Variants in TMEM229B observed in about 807,000 individuals in gnomAD.
TMEM229B encodes the protein chromosome 14 open reading frame 83.
In TMEM229B, 6 loss-of-function variants were observed where a neutral mutation model predicts 13.7. The observed-to-expected ratio is 0.44, with a 90% confidence interval of 0.24 to 0.86. The LOEUF (loss-of-function observed/expected upper bound fraction) is 0.86, where lower values mean the gene tolerates loss of function less well. Among genes scored for constraint, TMEM229B ranks in the 40% least tolerant of loss-of-function variants. The pLI, the probability that TMEM229B is intolerant of heterozygous loss-of-function variation, is 0.23. For synonymous variants in TMEM229B, 107 were observed against 102.1 expected, an observed-to-expected ratio of 1.05 and a Z score of -0.29; for missense variants, 170 against 236.0, an observed-to-expected ratio of 0.72 and a Z score of 1.83.
chr14:67,479,963 G>A (rs2031483480), intron 2 of TMEM229B, among the ~76,000 whole-genome samples: 1 of 152,142 alleles, frequency 6.6e-6, no homozygotes, highest in Admixed American at 6.5e-5. Context: ...TTGGAATCCT[G>A]GCTGATGCTT....
At chr14:67,523,867 T>C (rs1434338842) in intron 1 of TMEM229B, among the ~76,000 whole-genome samples, 1 of 151,796 alleles carries the variant, frequency 6.6e-6, no homozygotes, top group Non-Finnish European at 1.5e-5. Context: ...CCATGGGCAG[T>C]AATGTCAGGT....
chr14:67,522,457 T>A (rs1313459815), intron 1 of TMEM229B, among the ~76,000 whole-genome samples: 1 of 152,220 alleles, frequency 6.6e-6, no homozygotes, highest in Non-Finnish European at 1.5e-5. Flanking sequence ...AGCCTGGTTA[T>A]GAGAAGGCTT....
intron 1 of TMEM229B, among the ~76,000 whole-genome samples, chr14:67,532,911 C>G (rs1352371410): frequency 6.6e-6 from 1 of 152,114 alleles, no homozygotes; most frequent in Non-Finnish European, 1.5e-5. Flanking sequence ...TGGGGTCAAG[C>G]AGATCCCCGG....
chr14:67,516,815 G>C (rs924828469), upstream of TMEM229B, among the ~76,000 whole-genome samples: 5 of 152,206 alleles, frequency 3.3e-5, no homozygotes, highest in African/African-American at 1.2e-4. Context: ...AAAGCAGTGG[G>C]TTCTGATTGG....
chr14:67,512,175 C>T (rs906976099), intron 1 of TMEM229B, among the ~76,000 whole-genome samples: 1 of 152,206 alleles, frequency 6.6e-6, no homozygotes, highest in Non-Finnish European at 1.5e-5. Context: ...CACATGCATT[C>T]TCACACACCA....
At chr14:67,532,086 T>C (rs1386862721) in intron 1 of TMEM229B, among the ~76,000 whole-genome samples, 1 of 152,168 alleles carries the variant, frequency 6.6e-6, no homozygotes, top group East Asian at 1.9e-4. Flanking sequence ...TAAAGCTGTT[T>C]GCAAGTTCAG....
chr14:67,519,024 T>C (rs1465789008), upstream of TMEM229B, among the ~76,000 whole-genome samples: 1 of 152,130 alleles, frequency 6.6e-6, no homozygotes, highest in Non-Finnish European at 1.5e-5. Context: ...TGGATCAGCT[T>C]TACAGGAAAA....
Position 67,473,952 on chromosome 14 carries a change from C to A in TMEM229B, c.-18-11G>T, listed in dbSNP as rs770226143. 34 of 1,574,122 alleles carry A rather than the reference C, an allele frequency of 2.2e-5. No individual in the cohort carries two copies. In the South Asian group the frequency reaches 4.0e-4, roughly 18 times the overall value. On this transcript the variant is annotated splice_polypyrimidine_tract_variant and intron_variant, in intron 2 of 2. Transcript: ENST00000554480. The surrounding 1 kb of genome is among the most constrained non-coding windows in gnomAD (Gnocchi z 6.5). ...GCCGACTGGGGCTGGCTGCGGGGGG[C>A]GCAAGAGAGACAGGTGAGGGCCGGG...
chr14:67,523,489 C>G (rs1161963041), intron 1 of TMEM229B, among the ~76,000 whole-genome samples: 4 of 152,232 alleles, frequency 2.6e-5, no homozygotes, highest in Non-Finnish European at 5.9e-5. Context: ...AAGAATGAAA[C>G]CTAGGCATTT....
intron 1 of TMEM229B, among the ~76,000 whole-genome samples, chr14:67,527,612 T>C (rs959535068): frequency 6.6e-6 from 1 of 152,236 alleles, no homozygotes; most frequent in East Asian, 1.9e-4. Flanking sequence ...TTGGTGAAGT[T>C]GCTTCTATTC....
At chr14:67,494,471 C>T (rs1772554094) in intron 1 of TMEM229B, among the ~76,000 whole-genome samples, 1 of 152,196 alleles carries the variant, frequency 6.6e-6, no homozygotes, top group Admixed American at 6.5e-5. Context: ...AGAGAAGCAG[C>T]TGTGGGGGCT....
chr14:67,490,488 C>T (rs904386249), upstream of TMEM229B, among the ~76,000 whole-genome samples: 18 of 152,228 alleles, frequency 1.2e-4, no homozygotes, highest in African/African-American at 3.6e-4. Context: ...ATAACAACTC[C>T]TGTTCTGTTA....
upstream of TMEM229B, among the ~76,000 whole-genome samples, chr14:67,515,657 C>T (rs2033184015): frequency 6.6e-6 from 1 of 152,186 alleles, no homozygotes; most frequent in South Asian, 2.1e-4. Flanking sequence ...CGGTGCAGGG[C>T]TCTTCGGCCC....
At chr14:67,527,573 G>A (rs1264799970) in intron 1 of TMEM229B, among the ~76,000 whole-genome samples, 2 of 152,218 alleles carry the variant, frequency 1.3e-5, no homozygotes, top group Non-Finnish European at 2.9e-5. Flanking sequence ...GCAGTGCCCT[G>A]CAATGGCTGG....
At chr14:67,505,287 C>T (rs900036322) in intron 1 of TMEM229B, among the ~76,000 whole-genome samples, 15 of 152,072 alleles carry the variant, frequency 9.9e-5, no homozygotes, top group African/African-American at 3.4e-4. Context: ...TCACCCTGTC[C>T]CCATAGAAAA....
chr14:67,489,238 G>C (rs1257924078), upstream of TMEM229B, among the ~76,000 whole-genome samples: 1 of 152,160 alleles, frequency 6.6e-6, no homozygotes, highest in East Asian at 1.9e-4. Flanking sequence ...GACATTAAGA[G>C]ATTTGGCCAA....
chr14:67,515,509 G>A (rs993772468), upstream of TMEM229B: 1 of 155,926 alleles, frequency 6.4e-6, no homozygotes, highest in East Asian at 1.9e-4. Context: ...CCTGCCGCCC[G>A]GCTTAACTCC....
intron 1 of TMEM229B, among the ~76,000 whole-genome samples, chr14:67,520,550 T>C (rs899083819): frequency 3.9e-5 from 6 of 152,286 alleles, no homozygotes; most frequent in African/African-American, 1.4e-4. Context: ...TATTCCATTG[T>C]CTGGATATAC....
At chr14:67,479,079 T>C (rs1002280185) in intron 2 of TMEM229B, among the ~76,000 whole-genome samples, 11 of 152,328 alleles carry the variant, frequency 7.2e-5, no homozygotes, top group African/African-American at 2.6e-4. Context: ...CTAACAAGCA[T>C]GTATAACTTT....
Sources: allele counts gnomAD v4.1 joint callset (sites outside exome capture counted in the v4.1 genomes callset), GRCh38; gene constraint gnomAD v4.1.1; non-coding constraint Gnocchi (gnomAD v3.1); transcripts MANE v1.5; gene names NCBI Gene and HGNC (gene_info 2026-07-23, HGNC 2026-07-21).